Variants in PPARG observed in about 807,000 individuals in gnomAD.
The protein encoded by PPARG is peroxisome proliferator-activated receptor gamma.
Under a neutral mutation model 39.2 loss-of-function variants are expected in PPARG, and 17 were observed. That is an observed-to-expected ratio of 0.43 (90% CI 0.30 to 0.65). The LOEUF (loss-of-function observed/expected upper bound fraction) is 0.65. Ranked by LOEUF, PPARG falls within the 30% of genes least tolerant of loss-of-function variation. PPARG has a pLI of 0.13. For synonymous variants in PPARG, 223 were observed against 215.7 expected (o/e 1.03, Z -0.30); for missense variants, 406 against 585.9 (o/e 0.69, Z 3.17).
intron 2 of PPARG, among the ~76,000 whole-genome samples, chr3:12,355,614 T>C (rs1033163311): frequency 8.5e-5 from 13 of 152,220 alleles, no homozygotes; most frequent in South Asian, 2.1e-4. Flanking sequence ...ATTTCTAAAC[T>C]CTGAAAATCA....
intron 2 of PPARG, among the ~76,000 whole-genome samples, chr3:12,343,579 A>G (rs925349028): frequency 2.6e-5 from 4 of 152,150 alleles, no homozygotes; most frequent in Non-Finnish European, 4.4e-5. Flanking sequence ...ACATAGCTCA[A>G]CAGAAATTAC....
At chr3:12,344,272 C>G (rs1224122223) in intron 2 of PPARG, among the ~76,000 whole-genome samples, 1 of 152,164 alleles carries the variant, frequency 6.6e-6, no homozygotes, top group African/African-American at 2.4e-5. Flanking sequence ...TTACTTAAAG[C>G]TAGTTTATAT....
intron 1 of PPARG, among the ~76,000 whole-genome samples, chr3:12,310,793 A>T (rs1337828097): frequency 3.7e-5 from 1 of 26,938 alleles, no homozygotes; most frequent in Admixed American, 4.0e-4. Context: ...CTTAAATGTA[A>T]AAAAAAAAAA....
chr3:12,338,537 G>A (rs1392423427), intron 2 of PPARG, among the ~76,000 whole-genome samples: 1 of 152,088 alleles, frequency 6.6e-6, no homozygotes, highest in East Asian at 1.9e-4. Flanking sequence ...TGTAAACTAT[G>A]TTTATAGCTC....
chr3:12,342,304 A>G (rs2048206364), intron 2 of PPARG, among the ~76,000 whole-genome samples: 1 of 152,196 alleles, frequency 6.6e-6, no homozygotes, highest in Admixed American at 6.5e-5. Context: ...TGACCTCTTC[A>G]ATTAGTCAGT....
chr3:12,378,322 G>C (rs1181051934), intron 2 of PPARG, among the ~76,000 whole-genome samples: 2 of 152,140 alleles, frequency 1.3e-5, no homozygotes, highest in Non-Finnish European at 2.9e-5. Flanking sequence ...GCTCTCCCAT[G>C]TTCACTGCAG....
At chr3:12,289,341 C>T (rs1228930544) in intron 1 of PPARG, among the ~76,000 whole-genome samples, 1 of 152,106 alleles carries the variant, frequency 6.6e-6, no homozygotes, top group Admixed American at 6.5e-5. Flanking sequence ...TAGTCGTCTG[C>T]CATGAAGAAA....
At chr3:12,365,339 A>G (rs1371929451) in intron 2 of PPARG, among the ~76,000 whole-genome samples, 4 of 152,092 alleles carry the variant, frequency 2.6e-5, no homozygotes, top group Non-Finnish European at 5.9e-5. Flanking sequence ...TTGTTTACTC[A>G]TTCTCTTGAC....
intron 2 of PPARG, among the ~76,000 whole-genome samples, chr3:12,351,159 G>C (rs777697849): frequency 6.6e-6 from 1 of 152,208 alleles, no homozygotes; most frequent in Non-Finnish European, 1.5e-5. Context: ...AGAGATTTAA[G>C]TTTTCCATTT....
intron 2 of PPARG, chr3:12,351,823 G>A (rs1438397485): frequency 2.3e-5 from 16 of 698,804 alleles, no homozygotes; most frequent in Admixed American, 1.4e-4. Context: ...CGTTGCTATC[G>A]CGTTCATTTA....
intron 2 of PPARG, among the ~76,000 whole-genome samples, chr3:12,352,869 C>T (rs2048532441): frequency 6.6e-6 from 1 of 152,108 alleles, no homozygotes; most frequent in Non-Finnish European, 1.5e-5. Context: ...TGTTGTTATT[C>T]TGTTTTTCTG....
At chr3:12,332,622 A>G (rs1264898369) in intron 2 of PPARG, among the ~76,000 whole-genome samples, 1 of 152,152 alleles carries the variant, frequency 6.6e-6, no homozygotes, top group East Asian at 1.9e-4. Context: ...ATTCCTCAGC[A>G]TTATTAATGT....
chr3:12,384,361 C>T (rs560952248), intron 4 of PPARG, among the ~76,000 whole-genome samples: 13 of 151,956 alleles, frequency 8.6e-5, no homozygotes, highest in East Asian at 3.9e-4. Context: ...GGTTTTTATT[C>T]GGCGTAAAGA....
intron 2 of PPARG, among the ~76,000 whole-genome samples, chr3:12,327,592 C>T (rs1204943890): frequency 6.6e-6 from 1 of 152,154 alleles, no homozygotes; most frequent in Non-Finnish European, 1.5e-5. Flanking sequence ...ACCGAGGCAG[C>T]TGGCGCAGAT....
intron 2 of PPARG, among the ~76,000 whole-genome samples, chr3:12,333,454 T>C (rs751208832): frequency 1.3e-5 from 2 of 152,142 alleles, no homozygotes; most frequent in Admixed American, 6.5e-5. Context: ...AGGAGACCTA[T>C]ATTCCTGTGT....
At chr3:12,403,208 G>A (rs28848197) in intron 5 of PPARG, among the ~76,000 whole-genome samples, 1 of 150,402 alleles carries the variant, frequency 6.6e-6, no homozygotes, top group Non-Finnish European at 1.5e-5. Context: ...TGGGAGAATC[G>A]CTTGAACCCA....
intron 7 of PPARG, among the ~76,000 whole-genome samples, chr3:12,430,965 T>C (rs913213526): frequency 1.3e-5 from 2 of 151,988 alleles, no homozygotes; most frequent in Non-Finnish European, 2.9e-5. Flanking sequence ...GAACTGAGAC[T>C]AGAGGATGAC....
rs373779089 is a variant in PPARG at position 12,333,233 on chromosome 3, C to G, written c.-9+20780C>G. Among the ~76,000 whole-genome samples the G allele has an allele frequency of 1.2e-4, 19 of 152,138 alleles. No homozygotes were observed. The East Asian group carries it at 2.1e-3, about 17-fold the overall frequency. ...ATTTCAACTTACTGTATGCCAAGCA[C>G]TTCTAAGTGCTTTACATTATTCTCT... On this transcript the variant is annotated intron_variant, in intron 2 of 7. Transcript: ENST00000651735.
chr3:12,405,990 C>A lies in PPARG; in HGVS notation c.638C>A (p.Ala213Glu). 1 of 1,614,130 alleles carries A rather than the reference C, an allele frequency of 6.2e-7. No individual in the cohort carries two copies. Among genetic ancestry groups the A allele is most frequent in the Non-Finnish European group, 8.5e-7 (1 of 1,180,016 alleles). The change falls in exon 6 of 8, where the codon GCA becomes GAA. Residue 213 changes from alanine to glutamate, a missense_variant. This residue lies in a region of PPARG where 275 missense variants were observed against 458.0 expected (regional missense o/e 0.60). Transcript: ENST00000651735. ...GAGTCCGCTGACCTCCGGGCCCTGG[C>A]AAAACATTTGTATGACTCATACATA... ...NPESADLRAL[A>E]KHLYDSYIKS... is the part of the protein sequence containing the mutation.
Sources: gnomAD v4.1 joint callset for allele counts (sites outside exome capture counted in the v4.1 genomes callset) on GRCh38, gnomAD v4.1.1 for gene constraint, gnomAD v4.1.1 regional missense constraint, MANE v1.5 for transcripts, NCBI Gene and HGNC (gene_info 2026-07-23, HGNC 2026-07-21) for gene names.